Variants in PUS10 observed in about 807,000 individuals in gnomAD.
The protein encoded by PUS10 is pseudouridine synthase 10, also known as tRNA pseudouridine synthase Pus10.
In PUS10, 59 loss-of-function variants were observed where a neutral mutation model predicts 75.0. The ratio of observed to expected loss-of-function variants is 0.79; its 90% CI spans 0.64 to 0.98. The LOEUF (loss-of-function observed/expected upper bound fraction) is 0.98, where lower values mean the gene tolerates loss of function less well. PUS10 is among the 50% of genes least tolerant of loss of function. The pLI, the probability that PUS10 is intolerant of heterozygous loss-of-function variation, is 0.00. For synonymous variants in PUS10, 219 were observed against 211.6 expected (o/e 1.03, Z -0.30); for missense variants, 650 against 614.4 (o/e 1.06, Z -0.61).
intron 4 of PUS10, among the ~76,000 whole-genome samples, chr2:61,001,688 G>A (rs1453083102): frequency 6.6e-6 from 1 of 152,194 alleles, no homozygotes; most frequent in African/African-American, 2.4e-5. Flanking sequence ...CAGGTACACA[G>A]GAGTTCATAG....
chr2:60,940,675 A>T lies in PUS10; in HGVS notation c.*1720T>A, dbSNP rs558199227. The T allele has an allele frequency of 6.6e-6, 1 of 152,360 alleles. No homozygotes were observed. The highest frequency in any genetic ancestry group is 1.5e-5 in the Non-Finnish European group (1 of 68,016). 9.4% of individuals were successfully genotyped at this position (152,360 alleles called of 1,614,324 possible). A position where few individuals can be genotyped will look rare whatever the true frequency, so the allele number is the denominator to read the frequency against. ...CACATTCTTCATTCTTACATATTAC[A>T]GGTCCACTAGATTCAAAGGTAAGCC... is the stretch of plus-strand genomic sequence containing the variant. On this transcript the variant is annotated 3_prime_UTR_variant, in exon 18 of 18. Coordinates refer to ENST00000316752, the MANE Select transcript of PUS10 (RefSeq NM_144709.4).
intron 4 of PUS10, among the ~76,000 whole-genome samples, chr2:60,983,546 T>C (rs1677537663): frequency 6.6e-6 from 1 of 151,886 alleles, no homozygotes; most frequent in Non-Finnish European, 1.5e-5. Flanking sequence ...CTGAGCATGG[T>C]AGCGCATGTA....
intron 8 of PUS10, among the ~76,000 whole-genome samples, chr2:60,964,633 T>G (rs112527190): frequency 1.1e-3 from 175 of 152,354 alleles, no homozygotes; most frequent in African/African-American, 4.1e-3. Flanking sequence ...AACAACTTAC[T>G]TTGAATTATA....
At chr2:60,979,818 T>A (rs947831548) in intron 4 of PUS10, among the ~76,000 whole-genome samples, 1 of 152,270 alleles carries the variant, frequency 6.6e-6, no homozygotes, top group African/African-American at 2.4e-5. Context: ...GTTGAAGATC[T>A]TCTTTTTGGA....
At chr2:60,971,482 T>C (rs1474963494) in intron 5 of PUS10, 41 bp downstream of exon 5, 1 of 1,559,770 alleles carries the variant, frequency 6.4e-7, no homozygotes, top group South Asian at 1.1e-5. Context: ...AGGTAGCTTG[T>C]ATTTGAATGG....
Position 61,017,754 on chromosome 2 carries a change from G to C in PUS10, c.-16+254C>G, listed in dbSNP as rs147461642. The C allele has an allele frequency of 4.8e-3, 7,461 of 1,549,040 alleles. 28 individuals carry two copies. Among genetic ancestry groups the C allele is most frequent in the Non-Finnish European group, 5.6e-3 (6,467 of 1,146,450 alleles). On this transcript the variant is annotated intron_variant, in intron 1 of 17. Coordinates refer to ENST00000316752, the MANE Select transcript of PUS10 (RefSeq NM_144709.4). Reference sequence around the variant, plus strand: ...TAGGAGCGGGAGCCGAGAGGAGGCGGAGGAGATGGCGTCCCAGCCGCCACC... The same window carrying C: ...TAGGAGCGGGAGCCGAGAGGAGGCGCAGGAGATGGCGTCCCAGCCGCCACC...
chr2:61,014,309 G>A (rs369856670), intron 1 of PUS10, among the ~76,000 whole-genome samples: 7 of 151,730 alleles, frequency 4.6e-5, no homozygotes, highest in East Asian at 2.0e-4. Context: ...ACCCCAGGAG[G>A]CGGAGGGTGC....
chr2:60,968,614 G>GA lies in PUS10; in HGVS notation c.504-1002dup, dbSNP rs974230172. Among the ~76,000 whole-genome samples, 203 of 141,340 alleles carry GA rather than the reference G, an allele frequency of 1.4e-3. 1 individual carries two copies. The highest frequency in any genetic ancestry group is 4.6e-3 in the African/African-American group (180 of 38,778). The allele number at this position is 141,340 out of a possible 152,430, so 92.7% of individuals were successfully genotyped here. A position where few individuals can be genotyped will look rare whatever the true frequency, so the allele number is the denominator to read the frequency against. On this transcript the variant is annotated intron_variant, in intron 5 of 17. Coordinates refer to ENST00000316752, the MANE Select transcript of PUS10 (RefSeq NM_144709.4). ...GCTAATGGCTGAATTTAGTTGATCA[G>GA]AAAAAAAAAAGAATATGCAGATCAC...
In PUS10 at chr2:60,965,485, C is replaced by T. The variant is rs763997631; in HGVS notation, c.616-1G>A. On this transcript the variant is annotated splice_acceptor_variant, in intron 6 of 17. Transcript: ENST00000316752. LOFTEE classifies it high-confidence loss of function. ...AGACCACACTCACTTCAAACAAGCTCTAAAAATTATAAAGACAGTTTAAAA... is the reference window on the plus strand; with the variant it reads ...AGACCACACTCACTTCAAACAAGCTTTAAAAATTATAAAGACAGTTTAAAA... 1 of 1,598,040 alleles carries T rather than the reference C, an allele frequency of 6.3e-7. No individual in the cohort carries two copies. Among genetic ancestry groups the T allele is most frequent in the South Asian group, 1.1e-5 (1 of 88,106 alleles).
intron 4 of PUS10, among the ~76,000 whole-genome samples, chr2:60,987,674 G>C (rs1285560016): frequency 6.6e-6 from 1 of 152,060 alleles, no homozygotes; most frequent in Non-Finnish European, 1.5e-5. Flanking sequence ...GGCTCGTGCC[G>C]CACTTTGGGA....
chr2:61,018,024 G>A lies in PUS10; in HGVS notation c.-32C>T. On this transcript the variant is annotated 5_prime_UTR_variant, in exon 1 of 18. Coordinates refer to ENST00000316752, the MANE Select transcript of PUS10 (RefSeq NM_144709.4). ...GGCGCTTACCAGTGGGGACTTTAGT[G>A]TCTCACAGCTGTTTCTGACCCGGCA... 1 of 1,402,340 alleles carries A rather than the reference G, an allele frequency of 7.1e-7. No homozygotes were observed. 86.9% of individuals were successfully genotyped at this position (1,402,340 alleles called of 1,614,324 possible). A position where few individuals can be genotyped will look rare whatever the true frequency, so the allele number is the denominator to read the frequency against.
chr2:60,964,994 G>T, intron 8 of PUS10, 64 bp downstream of exon 8: 1 of 1,419,144 alleles, frequency 7.0e-7, no homozygotes, highest in South Asian at 1.2e-5. Flanking sequence ...CTTTTTGTTG[G>T]AAATTTGAAT....
chr2:60,961,575 T>C (rs1676030961), intron 9 of PUS10, 27 bp from the exon 10 acceptor site: 2 of 1,569,288 alleles, frequency 1.3e-6, no homozygotes, highest in Non-Finnish European at 1.8e-6. Flanking sequence ...ATTTTATAGC[T>C]ATTTTCCAGA....
intron 4 of PUS10, among the ~76,000 whole-genome samples, chr2:60,978,181 G>T (rs923974551): frequency 1.3e-5 from 2 of 151,922 alleles, no homozygotes; most frequent in African/African-American, 4.8e-5. Flanking sequence ...CAGCACTTTG[G>T]GAGGCTGAGG....
intron 9 of PUS10, among the ~76,000 whole-genome samples, chr2:60,962,313 T>C (rs1676073164): frequency 6.6e-6 from 1 of 152,232 alleles, no homozygotes; most frequent in Non-Finnish European, 1.5e-5. Flanking sequence ...GGCTCACGCC[T>C]GTAATCCCAG....
At chr2:61,010,114 A>G (rs1679501968) in intron 2 of PUS10, 1 of 152,350 alleles carries the variant, frequency 6.6e-6, no homozygotes, top group South Asian at 2.1e-4. Context: ...GAAACAAACG[A>G]AAGTTGATAA....
At position 61,008,822 on chromosome 2, in the gene PUS10, T is replaced by C. The variant is rs1299308676; in HGVS notation, c.320A>G (p.Asn107Ser). The C allele has an allele frequency of 6.2e-7, 1 of 1,609,936 alleles. No individual in the cohort carries two copies. The highest frequency in any genetic ancestry group is 8.5e-7 in the Non-Finnish European group (1 of 1,177,104). The part of the protein sequence containing the change: ...GSTASKNSNL[N>S]VCNVCLGILQ... ...AATTCCTAGGCATACATTACATACA[T>C]TTAAATTTGAGTTCTTGGAAGCAGT... Residue 107 changes from asparagine (N) to serine (S), a missense_variant, in exon 3 of 18, where the codon AAT (asparagine) becomes AGT (serine). By Grantham distance (46) the Asn-to-Ser change is conservative. Transcript: ENST00000316752.
At chr2:60,970,198 T>C (rs768494781) in intron 5 of PUS10, among the ~76,000 whole-genome samples, 11 of 152,104 alleles carry the variant, frequency 7.2e-5, no homozygotes, top group Non-Finnish European at 1.5e-4. Context: ...TCTAAAAACA[T>C]AGGATCAAGT....
chr2:60,987,720 C>T (rs1558949355), intron 4 of PUS10, among the ~76,000 whole-genome samples: 1 of 152,068 alleles, frequency 6.6e-6, no homozygotes, highest in Non-Finnish European at 1.5e-5. Context: ...GTCAGGAGTT[C>T]GAGACAAGCT....
Sources: gnomAD v4.1 joint callset for allele counts (sites outside exome capture counted in the v4.1 genomes callset) on GRCh38, gnomAD v4.1.1 for gene constraint, MANE v1.5 for transcripts, NCBI Gene and HGNC (gene_info 2026-07-23, HGNC 2026-07-21) for gene names.